The following SH3RF3 variants were observed in gnomAD, a reference collection of about 807,000 sequenced individuals.
The protein encoded by SH3RF3 is E3 ubiquitin-protein ligase SH3RF3.
A neutral mutation model predicts 66.3 loss-of-function variants in SH3RF3; 29 were observed. The observed-to-expected ratio is 0.44, with a 90% confidence interval of 0.33 to 0.60. SH3RF3 has a LOEUF of 0.60. Among genes scored for constraint, SH3RF3 ranks in the 20% least tolerant of loss-of-function variants. SH3RF3 has a pLI of 0.04. For missense variants in SH3RF3, 1,194 were observed against 1,190.9 expected (o/e 1.00, Z -0.04); for synonymous variants, 583 against 532.0 (o/e 1.10, Z -1.32).
chr2:109,349,693 G>A (rs1197053972), intron 2 of SH3RF3, among the ~76,000 whole-genome samples: 3 of 152,224 alleles, frequency 2.0e-5, no homozygotes, highest in Non-Finnish European at 4.4e-5. Flanking sequence ...GGGCCTCACA[G>A]GAGGAGGCTC....
intron 1 of SH3RF3, among the ~76,000 whole-genome samples, chr2:109,202,081 A>ACAGCTGGCAGGAGGCG (rs1678688601): frequency 6.6e-6 from 1 of 152,232 alleles, no homozygotes; most frequent in Admixed American, 6.5e-5. Context: ...GGCAGGAGGC[A>ACAGCTGGCAGGAGGCG]CACAGCCTCC....
chr2:109,493,326 A>G (rs1679179255), intron 9 of SH3RF3, among the ~76,000 whole-genome samples: 1 of 146,796 alleles, frequency 6.8e-6, no homozygotes, highest in African/African-American at 2.5e-5. Context: ...CGTACACCAT[A>G]CAAACACACC....
intron 3 of SH3RF3, among the ~76,000 whole-genome samples, chr2:109,384,798 G>C (rs560285551): frequency 6.6e-6 from 1 of 152,296 alleles, no homozygotes; most frequent in East Asian, 1.9e-4. Context: ...AGGGTCTTGG[G>C]CCCCTGGGGA....
intron 1 of SH3RF3, among the ~76,000 whole-genome samples, chr2:109,275,601 C>T (rs1008151576): frequency 7.2e-5 from 11 of 152,204 alleles, no homozygotes; most frequent in Non-Finnish European, 1.2e-4. Context: ...CGCCGTGCTT[C>T]TGCCCTTTTC....
intron 8 of SH3RF3, among the ~76,000 whole-genome samples, chr2:109,474,739 A>G (rs545282716): frequency 3.9e-5 from 6 of 152,228 alleles, no homozygotes; most frequent in Non-Finnish European, 2.9e-5. Flanking sequence ...ACAGTGGGGC[A>G]GAGCCAGATG....
intron 1 of SH3RF3, among the ~76,000 whole-genome samples, chr2:109,187,017 T>C (rs1678208291): frequency 6.7e-6 from 1 of 149,810 alleles, no homozygotes; most frequent in South Asian, 2.2e-4. Flanking sequence ...GAGCTGGGCC[T>C]AGCCCTGGCA....
At chr2:109,240,063 G>C (rs1484006189) in intron 1 of SH3RF3, among the ~76,000 whole-genome samples, 1 of 152,174 alleles carries the variant, frequency 6.6e-6, no homozygotes, top group African/African-American at 2.4e-5. Flanking sequence ...ACCCTTCTCT[G>C]TTTTCTTATG....
chr2:109,331,422 G>A (rs1201937277), intron 1 of SH3RF3, among the ~76,000 whole-genome samples: 2 of 152,080 alleles, frequency 1.3e-5, no homozygotes, highest in East Asian at 3.9e-4. Context: ...GAGAACTGGG[G>A]CCTTAACCAG....
chr2:109,257,860 A>T (rs1192455251), intron 1 of SH3RF3, among the ~76,000 whole-genome samples: 3 of 152,158 alleles, frequency 2.0e-5, no homozygotes, highest in Non-Finnish European at 4.4e-5. Flanking sequence ...AGTGAGTCAC[A>T]GTAAACACAG....
At chr2:109,330,493 G>C (rs1190886833) in intron 1 of SH3RF3, among the ~76,000 whole-genome samples, 1 of 152,140 alleles carries the variant, frequency 6.6e-6, no homozygotes, top group Non-Finnish European at 1.5e-5. Flanking sequence ...TTGTAAGAAT[G>C]GGGGGCAGGG....
At chr2:109,147,326 A>G (rs943173155) in intron 1 of SH3RF3, among the ~76,000 whole-genome samples, 4 of 152,114 alleles carry the variant, frequency 2.6e-5, no homozygotes, top group African/African-American at 9.7e-5. Context: ...GGGAACCTCA[A>G]ATGCTTTTGT....
intron 1 of SH3RF3, among the ~76,000 whole-genome samples, chr2:109,309,199 G>A (rs1200918088): frequency 2.2e-5 from 3 of 138,104 alleles, no homozygotes; most frequent in Non-Finnish European, 4.5e-5. Context: ...GTGAATGGGA[G>A]TTCACTCATG....
intron 1 of SH3RF3, among the ~76,000 whole-genome samples, chr2:109,260,344 C>T (rs1680318740): frequency 6.6e-6 from 1 of 152,176 alleles, no homozygotes; most frequent in South Asian, 2.1e-4. Flanking sequence ...TGAGGGAGAC[C>T]TGTGACCCGA....
chr2:109,259,650 C>G (rs1443414209), intron 1 of SH3RF3, among the ~76,000 whole-genome samples: 1 of 152,250 alleles, frequency 6.6e-6, no homozygotes, highest in East Asian at 1.9e-4. Flanking sequence ...CCTGATGTAA[C>G]TTGAATTGTG....
chr2:109,452,887 C>CCCAGGAGGCTGGTCCCGGGAGGCTGGTG (rs1162655421), intron 8 of SH3RF3, among the ~76,000 whole-genome samples: 2 of 144,034 alleles, frequency 1.4e-5, no homozygotes, highest in African/African-American at 5.4e-5. Flanking sequence ...GGAGGCTGGT[C>CCCAGGAGGCTGGTCCCGGGAGGCTGGTG]CCAGGAGGCT....
intron 1 of SH3RF3, among the ~76,000 whole-genome samples, chr2:109,344,659 G>C (rs1682643156): frequency 6.6e-6 from 1 of 152,204 alleles, no homozygotes; most frequent in African/African-American, 2.4e-5. Context: ...GAGATGACAG[G>C]CAAGGCAGTG....
In SH3RF3 at chr2:109,272,578, C is replaced by T. The variant is rs182029228; in HGVS notation, c.574-75096C>T. On this transcript the variant is annotated intron_variant, in intron 1 of 9. Transcript: ENST00000309415. ...GTCTACTTGGGCTGAAGGCTCAGAG[C>T]GCTCGTTCCTTTGGAGACCCTGCTG... Among the ~76,000 whole-genome samples, 356 of 152,338 alleles carry T rather than the reference C, an allele frequency of 2.3e-3. 1 individual carries two copies. The highest frequency in any genetic ancestry group is 0.014 in the Middle Eastern group (4 of 294).
chr2:109,344,579 T>G (rs1682639441), intron 1 of SH3RF3, among the ~76,000 whole-genome samples: 2 of 152,172 alleles, frequency 1.3e-5, no homozygotes, highest in African/African-American at 4.8e-5. Context: ...GCCCTGCATT[T>G]GGGCATCCAG....
intron 1 of SH3RF3, among the ~76,000 whole-genome samples, chr2:109,230,441 A>G (rs896550927): frequency 6.6e-6 from 1 of 152,142 alleles, no homozygotes; most frequent in Non-Finnish European, 1.5e-5. Context: ...TTAGCTGGGC[A>G]TGATGGTGCA....
Sources: gnomAD v4.1 joint callset for allele counts (sites outside exome capture counted in the v4.1 genomes callset) on GRCh38, gnomAD v4.1.1 for gene constraint, MANE v1.5 for transcripts, NCBI Gene and HGNC (gene_info 2026-07-23, HGNC 2026-07-21) for gene names.